The following SYT1 variants were observed in gnomAD, a reference collection of about 807,000 sequenced individuals.
The protein encoded by SYT1 is synaptotagmin 1, also known as synaptotagmin-1.
SYT1 carries 8 observed loss-of-function variants against 44.8 expected under a neutral mutation model. The ratio of observed to expected loss-of-function variants is 0.18; its 90% confidence interval spans 0.10 to 0.32. The LOEUF is 0.32. Among genes scored for constraint, SYT1 ranks in the 10% least tolerant of loss-of-function variants. SYT1 has a pLI of 1.00. For synonymous variants in SYT1, 154 were observed against 188.8 expected, an observed-to-expected ratio of 0.82 and a Z score of 1.51; for missense variants, 286 against 509.3, an observed-to-expected ratio of 0.56 and a Z score of 4.22.
At chr12:79,064,975 A>AGAAAGAAAGAAAGAAG (rs1555194763) in intron 3 of SYT1, among the ~76,000 whole-genome samples, 84 of 149,308 alleles carry the variant, frequency 5.6e-4, no homozygotes, top group African/African-American at 1.8e-3. Flanking sequence ...AAAGAAAGAA[A>AGAAAGAAAGAAAGAAG]GAAAGAAAGA....
intron 1 of SYT1, among the ~76,000 whole-genome samples, chr12:78,948,650 T>G (rs1417948784): frequency 1.3e-5 from 2 of 151,882 alleles, no homozygotes; most frequent in Non-Finnish European, 2.9e-5. Context: ...GCATGACAAG[T>G]GGGGTTTGAC....
intron 1 of SYT1, among the ~76,000 whole-genome samples, chr12:78,958,547 A>C (rs1565736764): frequency 6.6e-6 from 1 of 151,880 alleles, no homozygotes; most frequent in East Asian, 1.9e-4. Context: ...ATACAAAAAT[A>C]TGCTGGGTGT....
chr12:79,010,695 A>G (rs1344320459), intron 2 of SYT1, among the ~76,000 whole-genome samples: 1 of 152,166 alleles, frequency 6.6e-6, no homozygotes, highest in African/African-American at 2.4e-5. Flanking sequence ...CCTTCACTAC[A>G]GACTCATAAA....
At chr12:79,284,746 G>A (rs915165014) in intron 4 of SYT1, among the ~76,000 whole-genome samples, 1 of 151,796 alleles carries the variant, frequency 6.6e-6, no homozygotes, top group African/African-American at 2.4e-5. Flanking sequence ...CGCTGAGGCA[G>A]GGGAATTGCT....
At chr12:79,064,018 G>GCC (rs1415060939) in intron 3 of SYT1, among the ~76,000 whole-genome samples, 2 of 152,116 alleles carry the variant, frequency 1.3e-5, no homozygotes, top group Admixed American at 1.3e-4. Context: ...AGCAAAATGA[G>GCC]CCCCCTCCTT....
intron 9 of SYT1, among the ~76,000 whole-genome samples, chr12:79,434,671 A>G (rs1037770051): frequency 1.3e-5 from 2 of 152,230 alleles, no homozygotes; most frequent in African/African-American, 4.8e-5. Flanking sequence ...TGGACCACTT[A>G]TACAAGTGCC....
chr12:78,937,202 T>C (rs1878110121), intron 1 of SYT1, among the ~76,000 whole-genome samples: 1 of 152,154 alleles, frequency 6.6e-6, no homozygotes, highest in African/African-American at 2.4e-5. Context: ...TTGGCCAATA[T>C]ATTAGCCTGT....
chr12:78,911,147 A>G (rs1204291362), intron 1 of SYT1, among the ~76,000 whole-genome samples: 1 of 152,032 alleles, frequency 6.6e-6, no homozygotes, highest in Admixed American at 6.6e-5. Flanking sequence ...GTGGATGTAG[A>G]CAGATTAGTT....
At chr12:79,411,614 T>G (rs1593044621) in intron 9 of SYT1, among the ~76,000 whole-genome samples, 1 of 152,164 alleles carries the variant, frequency 6.6e-6, no homozygotes, top group East Asian at 1.9e-4. Context: ...ATATAAATAT[T>G]TGAAACAAAC....
intron 1 of SYT1, among the ~76,000 whole-genome samples, chr12:78,942,119 G>C (rs10778320): frequency 6.6e-6 from 1 of 151,904 alleles, no homozygotes; most frequent in African/African-American, 2.4e-5. Context: ...TCAAACCTGA[G>C]GTCCAAAGAA....
At chr12:79,259,733 C>G (rs1877725199) in intron 4 of SYT1, among the ~76,000 whole-genome samples, 2 of 152,124 alleles carry the variant, frequency 1.3e-5, no homozygotes, top group Non-Finnish European at 1.5e-5. Context: ...GTCCCTGTCA[C>G]AAACAGAAAC....
chr12:79,265,334 G>A (rs964941034), intron 4 of SYT1, among the ~76,000 whole-genome samples: 2 of 152,108 alleles, frequency 1.3e-5, no homozygotes, highest in Non-Finnish European at 2.9e-5. Context: ...AAAGCTAGGA[G>A]TCCAAATCCA....
At chr12:79,356,581 A>G (rs1883122458) in intron 9 of SYT1, among the ~76,000 whole-genome samples, 1 of 152,208 alleles carries the variant, frequency 6.6e-6, no homozygotes, top group South Asian at 2.1e-4. Flanking sequence ...GACCAAAATT[A>G]TATAATAAGA....
At chr12:78,944,032 T>C (rs1173091663) in intron 1 of SYT1, among the ~76,000 whole-genome samples, 2 of 152,158 alleles carry the variant, frequency 1.3e-5, no homozygotes, top group African/African-American at 4.8e-5. Context: ...TTGCAATTTA[T>C]ATCTTTCAGA....
chr12:79,380,604 T>C (rs137855688), intron 9 of SYT1, among the ~76,000 whole-genome samples: 31 of 152,230 alleles, frequency 2.0e-4, no homozygotes, highest in African/African-American at 7.5e-4. Flanking sequence ...CCCAGGCTGG[T>C]CTCAAACTCC....
chr12:78,959,651 C>T (rs1349780954), intron 1 of SYT1, among the ~76,000 whole-genome samples: 2 of 152,136 alleles, frequency 1.3e-5, no homozygotes, highest in African/African-American at 2.4e-5. Context: ...AGGTTCTAGC[C>T]TCTTATTACA....
intron 9 of SYT1, among the ~76,000 whole-genome samples, chr12:79,391,049 T>G (rs1884637224): frequency 6.6e-6 from 1 of 152,136 alleles, no homozygotes. Flanking sequence ...CAAGGTGACT[T>G]TGGGAAAGCT....
chr12:79,059,895 G>A (rs1263903456), intron 3 of SYT1, among the ~76,000 whole-genome samples: 1 of 152,064 alleles, frequency 6.6e-6, no homozygotes, highest in Non-Finnish European at 1.5e-5. Flanking sequence ...GACAGATTCT[G>A]AAAGGCAAAC....
intron 9 of SYT1, among the ~76,000 whole-genome samples, chr12:79,368,338 A>T (rs1244373316): frequency 2.0e-5 from 3 of 152,134 alleles, no homozygotes; most frequent in African/African-American, 7.2e-5. Context: ...TGCTATTGTG[A>T]ATAGTGCCTC....
Sources: gnomAD v4.1 joint callset for allele counts (sites outside exome capture counted in the v4.1 genomes callset) on GRCh38, gnomAD v4.1.1 for gene constraint, MANE v1.5 for transcripts, NCBI Gene and HGNC (gene_info 2026-07-23, HGNC 2026-07-21) for gene names.